DOCK2: variants seen among roughly 807,000 people sequenced by gnomAD.
DOCK2 encodes the protein dedicator of cytokinesis protein 2.
A neutral mutation model predicts 248.9 loss-of-function variants in DOCK2; 87 were observed. That is an observed-to-expected ratio of 0.35 (90% CI 0.29 to 0.42). DOCK2 has a LOEUF of 0.42. Among genes scored for constraint, DOCK2 ranks in the 10% least tolerant of loss-of-function variants. The pLI, the probability that DOCK2 is intolerant of heterozygous loss-of-function variation, is 1.00. For synonymous variants in DOCK2, 805 were observed against 821.6 expected, an observed-to-expected ratio of 0.98 and a Z score of 0.35; for missense variants, 1,747 against 2,300.2, an observed-to-expected ratio of 0.76 and a Z score of 4.92.
intron 20 of DOCK2, 150 bp from the exon 21 acceptor site, chr5:169,717,234 A>G: frequency 1.6e-6 from 1 of 614,682 alleles, no homozygotes; most frequent in Non-Finnish European, 2.9e-6. Context: ...TTTCTTTGGG[A>G]AGATGCTACC....
At chr5:169,993,136 T>C (rs1442693968) in intron 29 of DOCK2, among the ~76,000 whole-genome samples, 1 of 152,242 alleles carries the variant, frequency 6.6e-6, no homozygotes, top group East Asian at 1.9e-4. Flanking sequence ...CTCAATGCAT[T>C]TCCATCTGGG....
At position 169,965,393 on chromosome 5, in the gene DOCK2, T is replaced by C. The variant is rs534545621; in HGVS notation, c.2800-17675T>C. The stretch of plus-strand genomic sequence containing the variant: ...TAGACACTCCTTTGCATTATGTCAC[T>C]TATTGCTTGCAAAACATTATGGGAT... On this transcript the variant is annotated intron_variant, in intron 27 of 51. Transcript: ENST00000520908. 3.3e-4 allele frequency among the ~76,000 whole-genome samples: 50 copies of C among 152,376 alleles called. No homozygotes were observed. In the South Asian group the frequency reaches 6.2e-3, roughly 19 times the overall value.
At chr5:169,669,462 C>T in intron 3 of DOCK2, 134 bp downstream of exon 3, 1 of 930,500 alleles carries the variant, frequency 1.1e-6, no homozygotes, top group East Asian at 2.5e-5. Context: ...GCCCTGTGCT[C>T]TCTGACCTCT....
rs1044893721 is a variant in DOCK2, at chr5:170,045,681, T to A, written c.3877-135T>A. The A allele has an allele frequency of 6.1e-6, 5 of 822,102 alleles. No individual in the cohort carries two copies. The East Asian group carries it at 1.2e-4, about 20-fold the overall frequency. 50.9% of individuals were successfully genotyped at this position (822,102 alleles called of 1,614,324 possible). Reference sequence around the variant, plus strand: ...CTAGGAAGCCCCCGGCCCCTCTGTATGGGGGTGGATCTGGGTCAGAGCAAG... The same window carrying A: ...CTAGGAAGCCCCCGGCCCCTCTGTAAGGGGGTGGATCTGGGTCAGAGCAAG... On this transcript the variant is annotated intron_variant, in intron 38 of 51. Transcript: ENST00000520908.
At chr5:169,725,893 T>A (rs1762447174) in intron 22 of DOCK2, among the ~76,000 whole-genome samples, 1 of 152,226 alleles carries the variant, frequency 6.6e-6, no homozygotes. Context: ...CATTTTTAAA[T>A]CCAGTCTATC....
intron 1 of DOCK2, among the ~76,000 whole-genome samples, chr5:169,650,205 A>G (rs1757725325): frequency 6.6e-6 from 1 of 152,214 alleles, no homozygotes. Context: ...TTAGGACAGT[A>G]TCTAGCACAC....
chr5:169,931,240 C>T (rs529941357), intron 27 of DOCK2, among the ~76,000 whole-genome samples: 13 of 152,298 alleles, frequency 8.5e-5, no homozygotes, highest in African/African-American at 2.9e-4. Context: ...ATCCCAAAGA[C>T]GACCAGGAGA....
At chr5:169,695,962 T>G (rs770618519) in intron 10 of DOCK2, 24 bp downstream of exon 10, 2 of 1,557,054 alleles carry the variant, frequency 1.3e-6, no homozygotes, top group Non-Finnish European at 8.7e-7. Flanking sequence ...TCTGCATCAT[T>G]GATTTTTATG....
intron 23 of DOCK2, 139 bp from the exon 24 acceptor site, chr5:169,759,566 A>G (rs1764365912): frequency 3.4e-6 from 3 of 892,236 alleles, no homozygotes; most frequent in South Asian, 1.7e-5. Flanking sequence ...ATGTCCATAC[A>G]GAGGCTTCCA....
At chr5:169,777,711 C>T (rs1031836032) in intron 25 of DOCK2, among the ~76,000 whole-genome samples, 4 of 152,198 alleles carry the variant, frequency 2.6e-5, no homozygotes, top group African/African-American at 7.2e-5. Context: ...GACGGTTGAC[C>T]TCACTGGTTT....
At chr5:169,722,193 C>T (rs1762245305) in intron 22 of DOCK2, among the ~76,000 whole-genome samples, 1 of 152,118 alleles carries the variant, frequency 6.6e-6, no homozygotes, top group African/African-American at 2.4e-5. Context: ...TTACAAAGCC[C>T]CTTGCAGTGC....
intron 43 of DOCK2, chr5:170,057,060 G>A: frequency 2.4e-6 from 1 of 408,314 alleles, no homozygotes. Flanking sequence ...GCTAAGAAGG[G>A]GTGTTGATAA....
At chr5:169,680,070 C>T (rs991585315) in intron 6 of DOCK2, among the ~76,000 whole-genome samples, 11 of 152,158 alleles carry the variant, frequency 7.2e-5, no homozygotes, top group African/African-American at 2.7e-4. Context: ...CACCCTACCC[C>T]ACTCCACAAC....
rs541181597 is a variant in DOCK2, at chr5:169,764,339, C to T, written c.2554+2714C>T. 6.6e-6 allele frequency among the ~76,000 whole-genome samples: 1 copy of T among 152,302 alleles called. No individual in the cohort carries two copies. The highest frequency in any genetic ancestry group is 2.1e-4 in the South Asian group (1 of 4,826). ...GGATTTTGGCAGACTACCCTATTGG[C>T]CTGTCATCAGAAGGATCCTATGGAG... is the stretch of plus-strand genomic sequence containing the variant. On this transcript the variant is annotated intron_variant, in intron 25 of 51. Coordinates refer to ENST00000520908, the MANE Select transcript of DOCK2 (RefSeq NM_004946.3). The surrounding 1 kb of genome is among the most constrained non-coding windows in gnomAD (Gnocchi z 4.3).
chr5:170,009,676 C>G (rs1487438880), intron 32 of DOCK2, among the ~76,000 whole-genome samples: 2 of 152,158 alleles, frequency 1.3e-5, no homozygotes, highest in African/African-American at 2.4e-5. Context: ...TTTTTGTTCC[C>G]TCTTCAGACT....
chr5:169,831,897 G>A (rs1769251504), intron 26 of DOCK2, among the ~76,000 whole-genome samples: 1 of 152,284 alleles, frequency 6.6e-6, no homozygotes, highest in South Asian at 2.1e-4. Context: ...AATAGTTAAT[G>A]GCAACTTCAT....
intron 6 of DOCK2, among the ~76,000 whole-genome samples, chr5:169,680,450 G>A (rs1015609388): frequency 6.6e-6 from 1 of 152,216 alleles, no homozygotes; most frequent in Admixed American, 6.5e-5. Flanking sequence ...CTGAAAGCAA[G>A]CTGTGGGTAA....
intron 27 of DOCK2, among the ~76,000 whole-genome samples, chr5:169,885,092 A>G (rs907382757): frequency 6.6e-6 from 1 of 152,186 alleles, no homozygotes; most frequent in Admixed American, 6.5e-5. Context: ...GCAATTTCTC[A>G]GGCAGCCTTT....
At chr5:169,865,865 A>G (rs1771513914) in intron 27 of DOCK2, among the ~76,000 whole-genome samples, 1 of 152,198 alleles carries the variant, frequency 6.6e-6, no homozygotes, top group Non-Finnish European at 1.5e-5. Flanking sequence ...CATTAAAGGG[A>G]CATCTGCCCT....
Sources: allele counts gnomAD v4.1 joint callset (sites outside exome capture counted in the v4.1 genomes callset), GRCh38; gene constraint gnomAD v4.1.1; non-coding constraint Gnocchi (gnomAD v3.1); transcripts MANE v1.5; gene names NCBI Gene and HGNC (gene_info 2026-07-23, HGNC 2026-07-21).